The following NRTN variants were observed in gnomAD, a reference collection of about 807,000 sequenced individuals.
The protein encoded by NRTN is prepro-neurturin.
A neutral mutation model predicts 7.5 loss-of-function variants in NRTN; 3 were observed. The observed-to-expected ratio is 0.40, with a 90% confidence interval of 0.18 to 1.03. The LOEUF (loss-of-function observed/expected upper bound fraction) is 1.03, where lower values mean the gene tolerates loss of function less well. Among genes scored for constraint, NRTN ranks in the 50% least tolerant of loss-of-function variants. NRTN has a pLI of 0.34. For missense variants in NRTN, 310 were observed against 307.0 expected, an observed-to-expected ratio of 1.01 and a Z score of -0.07; for synonymous variants, 157 against 146.6, an observed-to-expected ratio of 1.07 and a Z score of -0.51.
At chr19:5,812,522 G>A (rs964512523) in intron 1 of NRTN, among the ~76,000 whole-genome samples, 40 of 152,234 alleles carry the variant, frequency 2.6e-4, no homozygotes, top group Non-Finnish European at 2.9e-5. Context: ...CCCCGCAGAC[G>A]CAGTATCGGA....
chr19:5,813,881 A>G (rs2144758747), intron 1 of NRTN, among the ~76,000 whole-genome samples: 1 of 152,030 alleles, frequency 6.6e-6, no homozygotes, highest in South Asian at 2.1e-4. Context: ...GGTGACAGGC[A>G]TCTGTAGTCC....
At chr19:5,824,654 C>T (rs1386704875) in intron 2 of NRTN, among the ~76,000 whole-genome samples, 5 of 152,090 alleles carry the variant, frequency 3.3e-5, no homozygotes, top group East Asian at 1.9e-4. Flanking sequence ...TAGTGGCGCA[C>T]GCCTGTAGTT....
At chr19:5,813,755 G>A (rs112742683) in intron 1 of NRTN, among the ~76,000 whole-genome samples, 10,789 of 151,944 alleles carry the variant, frequency 0.071, 496 homozygotes, top group South Asian at 0.13. Flanking sequence ...CAGGAGAATC[G>A]CTTGAACTCG....
chr19:5,822,536 G>C (rs943351545), intron 1 of NRTN, among the ~76,000 whole-genome samples: 18 of 152,240 alleles, frequency 1.2e-4, no homozygotes, highest in Non-Finnish European at 2.4e-4. Context: ...TATGCAGTGA[G>C]GAGGATGCCA....
chr19:5,813,714 C>A (rs1297490852), intron 1 of NRTN, among the ~76,000 whole-genome samples: 1 of 148,686 alleles, frequency 6.7e-6, no homozygotes, highest in Admixed American at 6.7e-5. Flanking sequence ...GTGGCGCACA[C>A]CTGTAGTCCC....
intron 1 of NRTN, among the ~76,000 whole-genome samples, chr19:5,816,727 G>C (rs1486285860): frequency 6.6e-6 from 1 of 152,104 alleles, no homozygotes; most frequent in East Asian, 1.9e-4. Context: ...ATATTGCCCA[G>C]GTTGGTCTCA....
Position 5,828,136 on chromosome 19 carries a change from T to C in NRTN, c.557T>C (p.Val186Ala). The C allele has an allele frequency of 6.5e-7, 1 of 1,529,454 alleles. No homozygotes were observed. The highest frequency in any genetic ancestry group is 8.7e-7 in the Non-Finnish European group (1 of 1,143,976). The allele number at this position is 1,529,454 out of a possible 1,614,324, so 94.7% of individuals were successfully genotyped here. A position where few individuals can be genotyped will look rare whatever the true frequency, so the allele number is the denominator to read the frequency against. Reference sequence around the variant, plus strand: ...GACGCGCACAGCCGCTACCACACGGTGCACGAGCTGTCGGCGCGCGAGTGC... The same window carrying C: ...GACGCGCACAGCCGCTACCACACGGCGCACGAGCTGTCGGCGCGCGAGTGC... ...FLDAHSRYHT[V>A]HELSARECAC... is the part of the protein sequence containing the mutation. Residue 186 changes from valine (V) to alanine (A), a missense_variant, in exon 3 of 3, where the codon GTG becomes GCG. Transcript: ENST00000303212.
intron 1 of NRTN, among the ~76,000 whole-genome samples, chr19:5,807,110 AG>A (rs1329839584): frequency 2.0e-5 from 3 of 152,080 alleles, no homozygotes; most frequent in African/African-American, 7.2e-5. Context: ...AAGGATGAGT[AG>A]GAGTTTTCTA....
chr19:5,812,150 G>A (rs904210899), intron 1 of NRTN, among the ~76,000 whole-genome samples: 3 of 151,958 alleles, frequency 2.0e-5, no homozygotes, highest in Non-Finnish European at 4.4e-5. Flanking sequence ...GATTACAGGT[G>A]TGAGCCACCG....
chr19:5,809,776 G>A (rs763913761), intron 1 of NRTN, among the ~76,000 whole-genome samples: 3 of 152,058 alleles, frequency 2.0e-5, no homozygotes, highest in South Asian at 4.1e-4. Flanking sequence ...AGAAAATCTC[G>A]TACCTCCCTG....
At chr19:5,821,986 C>A (rs1031209383) in intron 1 of NRTN, among the ~76,000 whole-genome samples, 1 of 152,150 alleles carries the variant, frequency 6.6e-6, no homozygotes, top group Non-Finnish European at 1.5e-5. Flanking sequence ...CCATTTTGTG[C>A]CTCGGTTTCC....
chr19:5,820,644 G>A (rs778814), intron 1 of NRTN, among the ~76,000 whole-genome samples: 8 of 143,774 alleles, frequency 5.6e-5, no homozygotes, highest in Non-Finnish European at 9.0e-5. Flanking sequence ...CAGGAGAATC[G>A]CTTGAACCCA....
In NRTN at chr19:5,805,096, C is replaced by G. The variant is rs1040734610; in HGVS notation, c.-754C>G. ...GCGGCGGGAGAGCGCGCCCTGAAGC[C>G]GCTCCGAGTGCCCAGGTCCCTCTCG... On this transcript the variant is annotated 5_prime_UTR_variant, in exon 1 of 3. Transcript: ENST00000303212. Among the ~76,000 whole-genome samples the G allele has an allele frequency of 8.9e-5, 13 of 146,682 alleles. No homozygotes were observed. Among genetic ancestry groups the G allele is most frequent in the Non-Finnish European group, 1.7e-4 (11 of 65,896 alleles).
Position 5,806,456 on chromosome 19 carries a change from C to T in NRTN, c.-399+1005C>T, listed in dbSNP as rs2056975492. Among the ~76,000 whole-genome samples the T allele has an allele frequency of 1.3e-5, 2 of 152,144 alleles. No individual in the cohort carries two copies. The highest frequency in any genetic ancestry group is 4.8e-5 in the African/African-American group (2 of 41,430). The stretch of plus-strand genomic sequence containing the variant: ...CCTGCCCTTTCCCTGTTCTCTACAT[C>T]CTTGTCCCTGTTCCATGGCCCTCTT... On this transcript the variant is annotated intron_variant, in intron 1 of 2. Coordinates refer to ENST00000303212, the MANE Select transcript of NRTN (RefSeq NM_004558.5). This position sits in a 1 kb window ranked among gnomAD's most constrained non-coding sequence, Gnocchi z 5.4.
intron 1 of NRTN, among the ~76,000 whole-genome samples, chr19:5,819,915 A>G (rs10424887): frequency 0.76 from 116,007 of 152,048 alleles, 44,430 homozygotes; most frequent in East Asian, 0.9. Context: ...TGGAATGACT[A>G]TATCTGTGTT....
chr19:5,811,517 G>A (rs1404901950), intron 1 of NRTN, among the ~76,000 whole-genome samples: 1 of 152,128 alleles, frequency 6.6e-6, no homozygotes, highest in Non-Finnish European at 1.5e-5. Context: ...TTGTTCATGA[G>A]TGTTAGTTTC....
chr19:5,827,461 G>A (rs1348201101), intron 2 of NRTN, among the ~76,000 whole-genome samples: 8 of 152,056 alleles, frequency 5.3e-5, no homozygotes, highest in Admixed American at 2.0e-4. Context: ...GCCCAGAAAG[G>A]ATGGACCAGG....
chr19:5,805,477 T>C (rs574400938), intron 1 of NRTN, among the ~76,000 whole-genome samples, 26 bp downstream of exon 1: 1 of 147,966 alleles, frequency 6.8e-6, no homozygotes, highest in Non-Finnish European at 1.5e-5. Flanking sequence ...GCGGGGCAGG[T>C]GGGGGGGCAG....
rs920923219 is a variant in NRTN, at chr19:5,805,345, C to A, written c.-505C>A. 6.8e-6 allele frequency among the ~76,000 whole-genome samples: 1 copy of A among 146,358 alleles called. No individual in the cohort carries two copies. The highest frequency in any genetic ancestry group is 2.0e-4 in the East Asian group (1 of 5,042). On this transcript the variant is annotated 5_prime_UTR_variant, in exon 1 of 3. Transcript: ENST00000303212. Reference sequence around the variant, plus strand: ...CGGCCGCCCCCTCCGGCCCGGGCCCCCCCCGGGCACCGCGGGCCCAGGCGG... The same window carrying A: ...CGGCCGCCCCCTCCGGCCCGGGCCCACCCCGGGCACCGCGGGCCCAGGCGG...
Sources: gnomAD v4.1 joint callset for allele counts (sites outside exome capture counted in the v4.1 genomes callset) on GRCh38, gnomAD v4.1.1 for gene constraint, Gnocchi (gnomAD v3.1) non-coding constraint, MANE v1.5 for transcripts, NCBI Gene and HGNC (gene_info 2026-07-23, HGNC 2026-07-21) for gene names.